The following LHX3 variants were observed in gnomAD, a reference collection of about 807,000 sequenced individuals.
The protein encoded by LHX3 is LIM/homeobox protein Lhx3.
LHX3 carries 21 observed loss-of-function variants against 32.4 expected under a neutral mutation model. That is an observed-to-expected ratio of 0.65 (90% CI 0.46 to 0.93). The LOEUF is 0.93. Ranked by LOEUF, LHX3 falls within the 40% of genes least tolerant of loss-of-function variation. The probability of loss-of-function intolerance (pLI) is 0.00; values close to 1 mark genes in which losing one functional copy is unlikely to be tolerated. For missense variants in LHX3, 626 were observed against 560.0 expected (o/e 1.12, Z -1.19); for synonymous variants, 258 against 246.8 (o/e 1.05, Z -0.43).
chr9:136,199,161 GC>G, intron 3 of LHX3, 102 bp from the exon 4 acceptor site: 3 of 574,358 alleles, frequency 5.2e-6, no homozygotes, highest in Non-Finnish European at 7.5e-6. Flanking sequence ...GGCCTCAGGT[GC>G]CCACCCCCAT....
chr9:136,204,234 C>CG (rs1383942736), intron 1 of LHX3, among the ~76,000 whole-genome samples: 1 of 150,238 alleles, frequency 6.7e-6, no homozygotes, highest in Non-Finnish European at 1.5e-5. Flanking sequence ...CCAGCAGGTC[C>CG]GATGTGTCCG....
chr9:136,197,768 C>A, intron 5 of LHX3, 25 bp from the exon 6 acceptor site: 1 of 1,597,516 alleles, frequency 6.3e-7, no homozygotes, highest in South Asian at 1.1e-5. Context: ...GAGGCTCAGT[C>A]AGCGCCTGCC....
At chr9:136,201,360 T>C in intron 1 of LHX3, 1 of 1,239,804 alleles carries the variant, frequency 8.1e-7, no homozygotes, top group Admixed American at 3.9e-5. Context: ...ATCCACTGCC[T>C]TTGTGTCAGG....
Position 136,197,498 on chromosome 9 carries a change from C to T in LHX3, c.1021G>A (p.Asp341Asn), listed in dbSNP as rs1428535251. Reference sequence around the variant, plus strand: ...GAGGGCACAAGGCCCAAGCTGGTGTCTGGGTACACCAGGCTGGAGAGGAGG... The same window carrying T: ...GAGGGCACAAGGCCCAAGCTGGTGTTTGGGTACACCAGGCTGGAGAGGAGG... ...QPLLSSLVYP[D>N]TSLGLVPSGA... The change falls in exon 6 of 6, where the codon GAC (aspartate) becomes AAC (asparagine). Residue 341 changes from aspartate (D) to asparagine (N), a missense_variant. By Grantham distance (23) the Asp-to-Asn change is conservative. Coordinates refer to ENST00000371748, the MANE Select transcript of LHX3 (RefSeq NM_178138.6). 1 of 1,550,902 alleles carries T rather than the reference C, an allele frequency of 6.4e-7. No homozygotes were observed. Among genetic ancestry groups the T allele is most frequent in the Admixed American group, 1.9e-5 (1 of 51,484 alleles).
chr9:136,198,827 G>A lies in LHX3; in HGVS notation c.607-7C>T, dbSNP rs755945084. The A allele has an allele frequency of 6.9e-6, 11 of 1,603,718 alleles. No individual in the cohort carries two copies. The African/African-American group carries it at 1.2e-4, about 18-fold the overall frequency. ...GGCGGTTCTGGAACCAAACCTGGGGGCGGGGCGGGGTGAGCGGCCGCCCGG... is the reference window on the plus strand; with the variant it reads ...GGCGGTTCTGGAACCAAACCTGGGGACGGGGCGGGGTGAGCGGCCGCCCGG... On this transcript the variant is annotated splice_polypyrimidine_tract_variant and splice_region_variant and intron_variant, in intron 4 of 5. Coordinates refer to ENST00000371748, the MANE Select transcript of LHX3 (RefSeq NM_178138.6).
chr9:136,197,777 C>T (rs759630390), intron 5 of LHX3, 34 bp from the exon 6 acceptor site: 88 of 1,595,522 alleles, frequency 5.5e-5, no homozygotes, highest in Middle Eastern at 1.7e-4. Flanking sequence ...TCAGCGCCTG[C>T]CCTCCACCTG....
At chr9:136,201,070 G>C in intron 1 of LHX3, 1 of 1,270,556 alleles carries the variant, frequency 7.9e-7, no homozygotes, top group South Asian at 1.6e-5. Flanking sequence ...GTGCCAAGAA[G>C]GGTGCATGTG....
chr9:136,197,499 T>A lies in LHX3; in HGVS notation c.1020A>T (p.Pro340=), dbSNP rs1171891285. The A allele has an allele frequency of 6.5e-7, 1 of 1,549,610 alleles. No homozygotes were observed. Among genetic ancestry groups the A allele is most frequent in the Admixed American group, 1.9e-5 (1 of 51,440 alleles). ...AGGGCACAAGGCCCAAGCTGGTGTC[T>A]GGGTACACCAGGCTGGAGAGGAGGG... The part of the protein sequence containing the change: ...PQPLLSSLVY[P]DTSLGLVPSG... Residue 340 remains proline, a synonymous_variant, in exon 6 of 6, where the codon CCA becomes CCT. Coordinates refer to ENST00000371748, the MANE Select transcript of LHX3 (RefSeq NM_178138.6).
At position 136,196,340 on chromosome 9, in the gene LHX3, G is replaced by C. The variant is rs1290615068; in HGVS notation, c.*985C>G. On this transcript the variant is annotated 3_prime_UTR_variant, in exon 6 of 6. Transcript: ENST00000371748. ...ACACAGAACATTCACAGAACCAATA[G>C]GTAGCTCGAGATTCAGGTTTGCGGG... 1 of 152,408 alleles carries C rather than the reference G, an allele frequency of 6.6e-6. No homozygotes were observed. The highest frequency in any genetic ancestry group is 2.4e-5 in the African/African-American group (1 of 41,470). 9.4% of individuals were successfully genotyped at this position (152,408 alleles called of 1,614,324 possible).
Position 136,200,652 on chromosome 9 carries a change from A to G in LHX3, c.181T>C (p.Cys61Arg). Residue 61 changes from cysteine to arginine, a missense_variant, in exon 2 of 6, where the codon TGC becomes CGC. By Grantham distance (180) the Cys-to-Arg change is radical. Transcript: ENST00000371748. ...CAGCGCTCGGCCAGTGGCGTGTGGC[A>G]GTCGCTGCACTTGAGACACTTGCTG... ...WHSKCLKCSD[C>R]HTPLAERCFS... 1 of 1,613,624 alleles carries G rather than the reference A, an allele frequency of 6.2e-7. No individual in the cohort carries two copies.
In LHX3 at chr9:136,197,203, T is replaced by A; in HGVS notation, c.*122A>T. On this transcript the variant is annotated 3_prime_UTR_variant, in exon 6 of 6. Coordinates refer to ENST00000371748, the MANE Select transcript of LHX3 (RefSeq NM_178138.6). ...AGCTGTGCGGTCGGCAGTGGGAGGCTCCGAAGGCACCAGCCCTCCCTTGAC... is the reference window on the plus strand; with the variant it reads ...AGCTGTGCGGTCGGCAGTGGGAGGCACCGAAGGCACCAGCCCTCCCTTGAC... The A allele has an allele frequency of 1.9e-6, 2 of 1,063,672 alleles. No individual in the cohort carries two copies. The highest frequency in any genetic ancestry group is 2.8e-6 in the Non-Finnish European group (2 of 714,072). The allele number at this position is 1,063,672 out of a possible 1,614,324, so 65.9% of individuals were successfully genotyped here.
chr9:136,203,188 CT>C, intron 1 of LHX3: 2 of 1,156,366 alleles, frequency 1.7e-6, no homozygotes, highest in Non-Finnish European at 2.1e-6. Flanking sequence ...CCCGGAGCCT[CT>C]GGCCGAGCGG....
At chr9:136,197,866 G>T in intron 5 of LHX3, 123 bp from the exon 6 acceptor site, 1 of 1,000,382 alleles carries the variant, frequency 1.0e-6, no homozygotes, top group Non-Finnish European at 1.5e-6. Flanking sequence ...CCACATGACA[G>T]GTCATAACAG....
intron 3 of LHX3, 110 bp from the exon 4 acceptor site, chr9:136,199,169 C>T (rs1831575265): frequency 1.9e-6 from 1 of 515,300 alleles, no homozygotes; most frequent in Admixed American, 4.5e-5. Context: ...GTGCCCACCC[C>T]CATCCCGCCC....
chr9:136,200,142 G>A (rs751747082), intron 2 of LHX3: 16 of 605,962 alleles, frequency 2.6e-5, no homozygotes, highest in Middle Eastern at 2.5e-4. Flanking sequence ...AGGTGAATCC[G>A]GAGGGAGAGG....
Position 136,199,039 on chromosome 9 carries a change from G to T in LHX3, c.475C>A (p.Arg159=), listed in dbSNP as rs1369409989. ...TTGGCGGTGATGGTCGTGCGCGGCC[G>T]CTTGGCCGTGGCCTCGGCCTCTGCG... ...KQREAEATAK[R]PRTTITAKQL... The change falls in exon 4 of 6, where the codon CGG becomes AGG. Residue 159 remains arginine (R), a synonymous_variant. Coordinates refer to ENST00000371748, the MANE Select transcript of LHX3 (RefSeq NM_178138.6). 3.8e-6 allele frequency: 6 copies of T among 1,574,768 alleles called. No homozygotes were observed. The African/African-American group carries it at 4.2e-5, about 11-fold the overall frequency.
At chr9:136,202,881 C>A (rs1831678570) in intron 1 of LHX3, 1 of 1,506,436 alleles carries the variant, frequency 6.6e-7, no homozygotes, top group African/African-American at 1.4e-5. Flanking sequence ...CCTCCGCGGC[C>A]AGGCCCGGAA....
chr9:136,201,573 C>A, intron 1 of LHX3: 1 of 1,053,470 alleles, frequency 9.5e-7, no homozygotes, highest in African/African-American at 1.7e-5. Flanking sequence ...TAGAAAAAGT[C>A]TCTGGAAGAG....
chr9:136,202,647 C>T (rs988562738), intron 1 of LHX3, among the ~76,000 whole-genome samples: 9 of 152,068 alleles, frequency 5.9e-5, no homozygotes, highest in Admixed American at 1.3e-4. Context: ...CTGCTCCCTG[C>T]GCCTCCTCCA....
Sources: allele counts gnomAD v4.1 joint callset (sites outside exome capture counted in the v4.1 genomes callset), GRCh38; gene constraint gnomAD v4.1.1; transcripts MANE v1.5; gene names NCBI Gene and HGNC (gene_info 2026-07-23, HGNC 2026-07-21).